The following SLC5A4 variants were observed in gnomAD, a reference collection of about 807,000 sequenced individuals.
SLC5A4 encodes probable glucose sensor protein SLC5A4.
SLC5A4 carries 55 observed loss-of-function variants against 70.3 expected under a neutral mutation model. The observed-to-expected ratio is 0.78, with a 90% CI of 0.63 to 0.98. The LOEUF is 0.98. Among genes scored for constraint, SLC5A4 ranks in the 50% least tolerant of loss-of-function variants. The pLI is 0.00. For missense variants in SLC5A4, 735 were observed against 839.2 expected, an observed-to-expected ratio of 0.88 and a Z score of 1.53; for synonymous variants, 268 against 305.7, an observed-to-expected ratio of 0.88 and a Z score of 1.29.
upstream of SLC5A4, among the ~76,000 whole-genome samples, chr22:32,259,475 T>C (rs1927648844): frequency 6.6e-6 from 1 of 152,238 alleles, no homozygotes; most frequent in African/African-American, 2.4e-5. Flanking sequence ...GTTTTTTTCC[T>C]TTGTTCTATT....
chr22:32,305,688 T>C, the SLC5A4 span, among the ~76,000 whole-genome samples: 4 of 130,128 alleles, frequency 3.1e-5, no homozygotes, highest in Non-Finnish European at 6.5e-5. Flanking sequence ...ACGGTCCCAG[T>C]GTGAGGGACG....
At chr22:32,352,292 T>C in the SLC5A4 span, among the ~76,000 whole-genome samples, 4 of 137,330 alleles carry the variant, frequency 2.9e-5, no homozygotes, top group East Asian at 1.0e-3. Flanking sequence ...GGGGGAGGGA[T>C]AGCATTAGGA....
the SLC5A4 span, among the ~76,000 whole-genome samples, chr22:32,350,898 G>T: frequency 6.9e-6 from 1 of 145,376 alleles, no homozygotes; most frequent in African/African-American, 2.6e-5. Context: ...AATTTCTAGA[G>T]AAATCAGTAA....
At chr22:32,311,496 C>T in the SLC5A4 span, among the ~76,000 whole-genome samples, 3 of 152,182 alleles carry the variant, frequency 2.0e-5, no homozygotes, top group African/African-American at 4.8e-5. Flanking sequence ...ATAGGTGCCC[C>T]GGGGCAGGAG....
chr22:32,275,243 CTG>C, the SLC5A4 span, among the ~76,000 whole-genome samples: 1 of 152,116 alleles, frequency 6.6e-6, no homozygotes, highest in Non-Finnish European at 1.5e-5. Flanking sequence ...TTTTATTACA[CTG>C]TAAGTTTTAG....
At chr22:32,242,528 C>T (rs930544344) in intron 5 of SLC5A4, among the ~76,000 whole-genome samples, 16 of 151,940 alleles carry the variant, frequency 1.1e-4, no homozygotes, top group African/African-American at 3.9e-4. Flanking sequence ...ACAAGCATGG[C>T]GAAACCCTAT....
the SLC5A4 span, among the ~76,000 whole-genome samples, chr22:32,308,611 C>T: frequency 6.6e-6 from 1 of 152,204 alleles, no homozygotes; most frequent in Non-Finnish European, 1.5e-5. Flanking sequence ...CCCTGACATT[C>T]CCAAGTCCTT....
At chr22:32,353,680 C>T in the SLC5A4 span, among the ~76,000 whole-genome samples, 1 of 151,904 alleles carries the variant, frequency 6.6e-6, no homozygotes, top group African/African-American at 2.4e-5. Context: ...GTGTAGCATC[C>T]AATGGCGACC....
the SLC5A4 span, among the ~76,000 whole-genome samples, chr22:32,301,183 G>A: frequency 1.3e-5 from 2 of 152,090 alleles, no homozygotes; most frequent in Admixed American, 6.6e-5. Flanking sequence ...GTCTGATCTT[G>A]AACTCCCGAC....
the SLC5A4 span, among the ~76,000 whole-genome samples, chr22:32,325,983 C>T: frequency 6.6e-6 from 1 of 152,218 alleles, no homozygotes; most frequent in Non-Finnish European, 1.5e-5. Flanking sequence ...AAGCAGGGCC[C>T]ACGGGGTGAG....
the SLC5A4 span, among the ~76,000 whole-genome samples, chr22:32,276,165 A>G: frequency 6.6e-6 from 1 of 152,236 alleles, no homozygotes; most frequent in African/African-American, 2.4e-5. Flanking sequence ...AAAGCCATAC[A>G]TTATGACACT....
At chr22:32,249,240 G>C (rs1927006247) in intron 3 of SLC5A4, among the ~76,000 whole-genome samples, 1 of 152,182 alleles carries the variant, frequency 6.6e-6, no homozygotes. Flanking sequence ...TTTTTACAGA[G>C]AGTCTTCACA....
At chr22:32,258,755 A>C (rs992311337), upstream of SLC5A4, among the ~76,000 whole-genome samples, 1 of 152,336 alleles carries the variant, frequency 6.6e-6, no homozygotes. Context: ...TGAAATTGGC[A>C]TCGCAAAAAG....
the SLC5A4 span, among the ~76,000 whole-genome samples, chr22:32,354,059 C>T: frequency 1.1e-4 from 17 of 150,486 alleles, no homozygotes; most frequent in African/African-American, 3.9e-4. Context: ...CCCGCCCCGC[C>T]GGAACCAATG....
chr22:32,244,704 T>G (rs1926722144), intron 5 of SLC5A4, among the ~76,000 whole-genome samples: 3 of 152,132 alleles, frequency 2.0e-5, no homozygotes, highest in Admixed American at 2.0e-4. Flanking sequence ...AATAATTTTT[T>G]TTTTGGTAGA....
the SLC5A4 span, among the ~76,000 whole-genome samples, chr22:32,351,738 G>GGGGGAGGGTGGGGGGGT: frequency 2.3e-5 from 1 of 43,620 alleles, no homozygotes; most frequent in African/African-American, 1.8e-4. Context: ...TGGGGGCGGT[G>GGGGGAGGGTGGGGGGGT]GGGGGAGGGC....
At chr22:32,297,823 G>A in the SLC5A4 span, among the ~76,000 whole-genome samples, 1 of 111,862 alleles carries the variant, frequency 8.9e-6, no homozygotes, top group Non-Finnish European at 1.9e-5. Flanking sequence ...ACACTGCTTT[G>A]AATGTGTCCC....
At chr22:32,292,667 AG>A in the SLC5A4 span, among the ~76,000 whole-genome samples, 1 of 152,090 alleles carries the variant, frequency 6.6e-6, no homozygotes, top group Non-Finnish European at 1.5e-5. Flanking sequence ...AGTCCTCTGA[AG>A]TTCACTGATA....
At chr22:32,250,284 G>C (rs1723708293) in intron 3 of SLC5A4, among the ~76,000 whole-genome samples, 1 of 152,178 alleles carries the variant, frequency 6.6e-6, no homozygotes, top group South Asian at 2.1e-4. Context: ...TTGGGAGGCT[G>C]AGGTGAGAGG....
Sources: gnomAD v4.1 joint callset for allele counts (sites outside exome capture counted in the v4.1 genomes callset) on GRCh38, gnomAD v4.1.1 for gene constraint, MANE v1.5 for transcripts, NCBI Gene and HGNC (gene_info 2026-07-23, HGNC 2026-07-21) for gene names.